Variants in MARCHF3 observed in about 807,000 individuals in gnomAD.
MARCHF3 encodes the protein E3 ubiquitin-protein ligase MARCHF3.
MARCHF3 carries 13 observed loss-of-function variants against 24.2 expected under a neutral mutation model. That is an observed-to-expected ratio of 0.54 (90% CI 0.35 to 0.85). The LOEUF (loss-of-function observed/expected upper bound fraction) is 0.85, where lower values mean the gene tolerates loss of function less well. Ranked by LOEUF, MARCHF3 falls within the 40% of genes least tolerant of loss-of-function variation. The pLI is 0.01. For synonymous variants in MARCHF3, 144 were observed against 137.3 expected, an observed-to-expected ratio of 1.05 and a Z score of -0.34; for missense variants, 276 against 325.0, an observed-to-expected ratio of 0.85 and a Z score of 1.16.
intron 3 of MARCHF3, among the ~76,000 whole-genome samples, chr5:126,880,909 C>T (rs560285572): frequency 6.6e-6 from 1 of 152,128 alleles, no homozygotes; most frequent in African/African-American, 2.4e-5. Flanking sequence ...GACTTCCCTT[C>T]CTTTCTTTTG....
intron 1 of MARCHF3, among the ~76,000 whole-genome samples, chr5:126,985,905 T>A (rs1296453024): frequency 6.6e-6 from 1 of 152,204 alleles, no homozygotes; most frequent in Non-Finnish European, 1.5e-5. Context: ...ATGACTCTAT[T>A]TGGTCCCTGG....
chr5:126,909,409 C>A (rs1479291410), intron 3 of MARCHF3, among the ~76,000 whole-genome samples: 1 of 152,254 alleles, frequency 6.6e-6, no homozygotes, highest in Non-Finnish European at 1.5e-5. Flanking sequence ...GCGGGCGCCC[C>A]TCCCCCAGCC....
chr5:126,932,740 C>A (rs1438481621), intron 1 of MARCHF3, among the ~76,000 whole-genome samples: 1 of 152,130 alleles, frequency 6.6e-6, no homozygotes, highest in Non-Finnish European at 1.5e-5. Flanking sequence ...AAATACGGGG[C>A]TCTGGGGAGC....
chr5:127,001,009 G>A (rs1271390157), intron 1 of MARCHF3, among the ~76,000 whole-genome samples: 2 of 152,168 alleles, frequency 1.3e-5, no homozygotes, highest in Non-Finnish European at 2.9e-5. Flanking sequence ...GGAGGCCGAG[G>A]TGGGCAGATC....
chr5:126,906,913 G>T (rs970808944), intron 3 of MARCHF3, among the ~76,000 whole-genome samples: 1 of 151,980 alleles, frequency 6.6e-6, no homozygotes, highest in African/African-American at 2.4e-5. Context: ...TGATGTTAGG[G>T]TGTCAATTTT....
intron 1 of MARCHF3, among the ~76,000 whole-genome samples, chr5:126,980,188 A>G (rs1013844740): frequency 2.0e-5 from 3 of 152,066 alleles, no homozygotes; most frequent in African/African-American, 7.2e-5. Context: ...AGACTAGTAG[A>G]TCCTGGAAGT....
At chr5:127,011,302 C>T (rs1752463109) in intron 1 of MARCHF3, among the ~76,000 whole-genome samples, 1 of 152,248 alleles carries the variant, frequency 6.6e-6, no homozygotes, top group Non-Finnish European at 1.5e-5. Flanking sequence ...GAATAAGGCT[C>T]CGATGACTGA....
chr5:126,948,341 G>A (rs552404425), intron 1 of MARCHF3, among the ~76,000 whole-genome samples: 3 of 152,044 alleles, frequency 2.0e-5, no homozygotes, highest in Non-Finnish European at 2.9e-5. Context: ...TCTTCAATTC[G>A]CAGTTGGTTG....
At chr5:126,904,313 C>A (rs1754212694) in intron 3 of MARCHF3, among the ~76,000 whole-genome samples, 1 of 150,938 alleles carries the variant, frequency 6.6e-6, no homozygotes, top group African/African-American at 2.5e-5. Flanking sequence ...ATTTATAGTC[C>A]TTTGGGTATA....
chr5:126,982,838 T>C (rs957571001), intron 1 of MARCHF3, among the ~76,000 whole-genome samples: 2 of 152,198 alleles, frequency 1.3e-5, no homozygotes, highest in African/African-American at 4.8e-5. Flanking sequence ...TTGGGGTATA[T>C]ATGCCTTGTT....
In MARCHF3 at chr5:126,918,191, T is replaced by C; in HGVS notation, c.-20A>G. The C allele has an allele frequency of 1.2e-6, 2 of 1,606,794 alleles. No homozygotes were observed. Among genetic ancestry groups the C allele is most frequent in the Non-Finnish European group, 1.7e-6 (2 of 1,176,582 alleles). On this transcript the variant is annotated 5_prime_UTR_variant, in exon 2 of 5. Coordinates refer to ENST00000308660, the MANE Select transcript of MARCHF3 (RefSeq NM_178450.5). ...TGTCATGGTAACAGACAGCAATTAC[T>C]CTGCTAATGGCTTCCACATTCATAC...
At chr5:126,933,948 T>C (rs954519896) in intron 1 of MARCHF3, among the ~76,000 whole-genome samples, 1 of 152,164 alleles carries the variant, frequency 6.6e-6, no homozygotes, top group Non-Finnish European at 1.5e-5. Flanking sequence ...GTAAAGTCAT[T>C]CTCTTTATTT....
intron 3 of MARCHF3, among the ~76,000 whole-genome samples, chr5:126,909,502 G>A (rs1312986122): frequency 1.3e-5 from 2 of 152,222 alleles, no homozygotes; most frequent in Admixed American, 6.5e-5. Context: ...TCCGAGCCAC[G>A]CACAGGATAT....
chr5:126,898,922 C>T lies in MARCHF3; in HGVS notation c.393+16008G>A, dbSNP rs566926749. 2,475 of 985,080 alleles carry T rather than the reference C, an allele frequency of 2.5e-3. 6 individuals carry two copies. The highest frequency in any genetic ancestry group is 2.8e-3 in the Non-Finnish European group (2,346 of 829,816). 61.0% of individuals were successfully genotyped at this position (985,080 alleles called of 1,614,324 possible). A position where few individuals can be genotyped will look rare whatever the true frequency, so the allele number is the denominator to read the frequency against. On this transcript the variant is annotated intron_variant, in intron 3 of 4. Coordinates refer to ENST00000308660, the MANE Select transcript of MARCHF3 (RefSeq NM_178450.5). ...CTTCAATCTTCACAAACAGATTATA[C>T]ATTTTCATAAGTGGCACATCTAAGA...
chr5:127,014,926 T>C (rs1752587196), intron 1 of MARCHF3, among the ~76,000 whole-genome samples: 1 of 152,172 alleles, frequency 6.6e-6, no homozygotes, highest in Non-Finnish European at 1.5e-5. Flanking sequence ...AGAATGACTA[T>C]AGTTAACAAT....
At chr5:126,958,368 A>G (rs571405596) in intron 1 of MARCHF3, among the ~76,000 whole-genome samples, 30 of 152,288 alleles carry the variant, frequency 2.0e-4, no homozygotes, top group African/African-American at 7.0e-4. Flanking sequence ...ACAAGTGATT[A>G]TATTAAGATG....
Position 126,874,586 on chromosome 5 carries a change from C to CA in MARCHF3, c.603+3598dup, listed in dbSNP as rs55934327. On this transcript the variant is annotated intron_variant, in intron 4 of 4. Coordinates refer to ENST00000308660, the MANE Select transcript of MARCHF3 (RefSeq NM_178450.5). ...GGGCAACAAGAGCGAAACTCCCTCT[C>CA]AAAAAAAAAAAAAAAAAAGTCACAG... is the stretch of plus-strand genomic sequence containing the variant. Among the ~76,000 whole-genome samples the CA allele has an allele frequency of 7.3e-3, 623 of 85,530 alleles. 2 individuals carry two copies. The highest frequency in any genetic ancestry group is 0.023 in the Middle Eastern group (3 of 130). 56.1% of individuals were successfully genotyped at this position (85,530 alleles called of 152,430 possible).
intron 1 of MARCHF3, among the ~76,000 whole-genome samples, chr5:126,920,544 A>G (rs1273195760): frequency 6.6e-6 from 1 of 151,980 alleles, no homozygotes; most frequent in African/African-American, 2.4e-5. Flanking sequence ...CTGAGAGTCT[A>G]TTTTCGGGTT....
At chr5:127,020,008 A>G (rs1211447115) in intron 1 of MARCHF3, among the ~76,000 whole-genome samples, 1 of 152,218 alleles carries the variant, frequency 6.6e-6, no homozygotes, top group Non-Finnish European at 1.5e-5. Flanking sequence ...ATAGTCACCC[A>G]GAAAAGCCCA....
Sources: allele counts gnomAD v4.1 joint callset (sites outside exome capture counted in the v4.1 genomes callset), GRCh38; gene constraint gnomAD v4.1.1; transcripts MANE v1.5; gene names NCBI Gene and HGNC (gene_info 2026-07-23, HGNC 2026-07-21).